CPNE4: variants seen among roughly 807,000 people sequenced by gnomAD.
The protein encoded by CPNE4 is copine 4.
In CPNE4, 25 loss-of-function variants were observed where a neutral mutation model predicts 67.9. The observed-to-expected ratio is 0.37, with a 90% CI of 0.27 to 0.51. The LOEUF (loss-of-function observed/expected upper bound fraction) is 0.51, where lower values mean the gene tolerates loss of function less well. Among genes scored for constraint, CPNE4 ranks in the 20% least tolerant of loss-of-function variants. CPNE4 has a pLI of 0.93. For missense variants in CPNE4, 464 were observed against 690.8 expected (o/e 0.67, Z 3.68); for synonymous variants, 242 against 244.9 (o/e 0.99, Z 0.11).
intron 1 of CPNE4, among the ~76,000 whole-genome samples, chr3:131,963,131 A>C (rs2107925886): frequency 6.6e-6 from 1 of 152,058 alleles, no homozygotes; most frequent in African/African-American, 2.4e-5. Context: ...GCGTTGCCTC[A>C]CCCGGGAAGT....
intron 2 of CPNE4, among the ~76,000 whole-genome samples, chr3:131,799,384 G>T (rs991979559): frequency 6.6e-6 from 1 of 152,072 alleles, no homozygotes; most frequent in Admixed American, 6.6e-5. Context: ...CTCCTTCACG[G>T]GCCTGCAAGA....
At chr3:131,602,289 C>G (rs1039259383) in intron 7 of CPNE4, among the ~76,000 whole-genome samples, 1 of 152,156 alleles carries the variant, frequency 6.6e-6, no homozygotes, top group Non-Finnish European at 1.5e-5. Context: ...ACAGAAAACC[C>G]ATCCATAGAG....
In CPNE4 at chr3:131,991,617, C is replaced by A. The variant is rs145895686; in HGVS notation, c.-2+42950G>T. ...TTGGAAGATTTGCAACCTGACAATG[C>A]GATAGAAAAGAAAAATCCATTTTCT... is the stretch of plus-strand genomic sequence containing the variant. On this transcript the variant is annotated intron_variant, in intron 1 of 15. Transcript: ENST00000429747. Among the ~76,000 whole-genome samples the A allele has an allele frequency of 7.4e-5, 10 of 135,596 alleles. 2 individuals are homozygous for A. Among genetic ancestry groups the A allele is most frequent in the South Asian group, 2.6e-4 (1 of 3,870 alleles). 89.0% of individuals were successfully genotyped at this position (135,596 alleles called of 152,430 possible).
intron 2 of CPNE4, among the ~76,000 whole-genome samples, chr3:131,816,820 G>A (rs111795928): frequency 0.041 from 6,187 of 152,096 alleles, 431 homozygotes; most frequent in African/African-American, 0.14. Flanking sequence ...ACCCTATAAT[G>A]TCAGCCTACC....
At chr3:131,767,006 T>C (rs930417741) in intron 2 of CPNE4, among the ~76,000 whole-genome samples, 1 of 151,976 alleles carries the variant, frequency 6.6e-6, no homozygotes, top group Admixed American at 6.6e-5. Context: ...ACGAAAACAG[T>C]TAGATTTGTT....
chr3:131,864,918 G>C (rs375542245), intron 2 of CPNE4, among the ~76,000 whole-genome samples: 68 of 152,066 alleles, frequency 4.5e-4, no homozygotes, highest in South Asian at 1.2e-3. Flanking sequence ...TAGCACGAAG[G>C]GTTGTTGAAT....
At chr3:131,546,191 T>C (rs1935826823) in intron 14 of CPNE4, among the ~76,000 whole-genome samples, 1 of 152,200 alleles carries the variant, frequency 6.6e-6, no homozygotes, top group Non-Finnish European at 1.5e-5. Context: ...GAAGAGATTG[T>C]CAGGATTCTG....
At chr3:131,777,893 T>C (rs908531880) in intron 2 of CPNE4, among the ~76,000 whole-genome samples, 1 of 151,976 alleles carries the variant, frequency 6.6e-6, no homozygotes, top group Non-Finnish European at 1.5e-5. Flanking sequence ...ATTGCAGCTG[T>C]TGGTTAATGA....
chr3:131,612,771 G>A (rs1237251522), intron 7 of CPNE4, among the ~76,000 whole-genome samples: 3 of 152,146 alleles, frequency 2.0e-5, no homozygotes, highest in African/African-American at 7.2e-5. Flanking sequence ...GTTAGTTGTT[G>A]TCTATTGATC....
At chr3:131,596,001 T>A (rs1388541624) in intron 7 of CPNE4, among the ~76,000 whole-genome samples, 1 of 151,448 alleles carries the variant, frequency 6.6e-6, no homozygotes, top group African/African-American at 2.4e-5. Flanking sequence ...AACTGGGGAG[T>A]TGTTTAATAA....
intron 2 of CPNE4, among the ~76,000 whole-genome samples, chr3:131,873,033 A>G (rs1443957133): frequency 6.6e-6 from 1 of 152,224 alleles, no homozygotes; most frequent in Non-Finnish European, 1.5e-5. Context: ...AAAGTTTTGC[A>G]CGGTAATAGA....
At chr3:131,542,507 G>T in intron 15 of CPNE4, 50 bp downstream of exon 15, 2 of 1,253,976 alleles carry the variant, frequency 1.6e-6, no homozygotes, top group Non-Finnish European at 2.3e-6. Context: ...AGGTGAGCAT[G>T]CTTTGGTTCT....
At chr3:131,715,062 T>C (rs745741761) in intron 3 of CPNE4, among the ~76,000 whole-genome samples, 2 of 152,040 alleles carry the variant, frequency 1.3e-5, no homozygotes, top group Non-Finnish European at 2.9e-5. Flanking sequence ...AGAAAATGCC[T>C]GCAAGAAAAG....
chr3:131,565,238 C>T (rs979735991), intron 10 of CPNE4, among the ~76,000 whole-genome samples: 3 of 151,834 alleles, frequency 2.0e-5, no homozygotes, highest in Admixed American at 6.6e-5. Context: ...ACTTAAGCTT[C>T]GAGGGAAGAA....
intron 15 of CPNE4, among the ~76,000 whole-genome samples, chr3:131,540,452 C>A (rs1935417383): frequency 6.6e-6 from 1 of 152,158 alleles, no homozygotes; most frequent in African/African-American, 2.4e-5. Flanking sequence ...AGTGGCACAA[C>A]AAACAGCAAT....
At chr3:131,923,289 T>C (rs2070791031) in intron 1 of CPNE4, among the ~76,000 whole-genome samples, 1 of 152,214 alleles carries the variant, frequency 6.6e-6, no homozygotes, top group South Asian at 2.1e-4. Context: ...GTATAAAATA[T>C]TGTCACCAAA....
chr3:131,860,297 G>C lies in CPNE4; in HGVS notation c.180+44967C>G, dbSNP rs565351515. Among the ~76,000 whole-genome samples the C allele has an allele frequency of 1.4e-4, 22 of 152,290 alleles. No homozygotes were observed. The South Asian group carries it at 4.4e-3, about 30-fold the overall frequency. ...ACTAAGTGGCAAGGATAACATTTTAGAAACGGTACATATATTAATTGAGGG... is the reference window on the plus strand; with the variant it reads ...ACTAAGTGGCAAGGATAACATTTTACAAACGGTACATATATTAATTGAGGG... On this transcript the variant is annotated intron_variant, in intron 2 of 15. Coordinates refer to ENST00000429747, the MANE Select transcript of CPNE4 (RefSeq NM_130808.3).
At chr3:131,984,216 G>A (rs2072984127) in intron 1 of CPNE4, among the ~76,000 whole-genome samples, 2 of 152,064 alleles carry the variant, frequency 1.3e-5, no homozygotes, top group Non-Finnish European at 2.9e-5. Flanking sequence ...ACTCCACAAA[G>A]ATCTCCTAAC....
chr3:131,768,815 C>T (rs540948788), intron 2 of CPNE4, among the ~76,000 whole-genome samples: 2 of 152,224 alleles, frequency 1.3e-5, no homozygotes, highest in South Asian at 4.1e-4. Flanking sequence ...AAACTCAAGC[C>T]CCAAACTAGG....
Sources: allele counts gnomAD v4.1 joint callset (sites outside exome capture counted in the v4.1 genomes callset), GRCh38; gene constraint gnomAD v4.1.1; transcripts MANE v1.5; gene names NCBI Gene and HGNC (gene_info 2026-07-23, HGNC 2026-07-21).